Variants in PCDH15 observed in about 807,000 individuals in gnomAD.
PCDH15 encodes protocadherin related 15.
In PCDH15, 129 loss-of-function variants were observed where a neutral mutation model predicts 178.5. The observed-to-expected ratio is 0.72, with a 90% CI of 0.63 to 0.84. The LOEUF is 0.84. Among genes scored for constraint, PCDH15 ranks in the 40% least tolerant of loss-of-function variants. The pLI is 0.00. For missense variants in PCDH15, 2,230 were observed against 2,099.9 expected, an observed-to-expected ratio of 1.06 and a Z score of -1.21; for synonymous variants, 800 against 732.0, an observed-to-expected ratio of 1.09 and a Z score of -1.50.
intron 1 of PCDH15, among the ~76,000 whole-genome samples, chr10:54,665,460 G>A (rs190892055): frequency 1.1e-4 from 16 of 152,096 alleles, no homozygotes; most frequent in Admixed American, 7.9e-4. Context: ...TACTAGACTA[G>A]CTGAGGATAA....
chr10:53,953,264 C>T (rs1055509798), intron 23 of PCDH15, among the ~76,000 whole-genome samples: 2 of 152,240 alleles, frequency 1.3e-5, no homozygotes, highest in Non-Finnish European at 2.9e-5. Flanking sequence ...CTGGATAGAA[C>T]AATTGATCAT....
intron 1 of PCDH15, among the ~76,000 whole-genome samples, chr10:54,706,147 A>C (rs2095362971): frequency 6.6e-6 from 1 of 152,214 alleles, no homozygotes; most frequent in South Asian, 2.1e-4. Context: ...AGTAATGCTG[A>C]TTACAAGGAA....
At chr10:55,278,378 A>C (rs1481011688) in intron 1 of PCDH15, among the ~76,000 whole-genome samples, 1 of 151,296 alleles carries the variant, frequency 6.6e-6, no homozygotes, top group South Asian at 2.1e-4. Context: ...TTTGTCTTTC[A>C]TATCTGTTTA....
At chr10:54,100,150 G>A (rs1414925573) in intron 15 of PCDH15, among the ~76,000 whole-genome samples, 1 of 151,964 alleles carries the variant, frequency 6.6e-6, no homozygotes, top group African/African-American at 2.4e-5. Context: ...GGCAGATCAC[G>A]ATGTCAGGAG....
At chr10:55,454,920 T>C (rs188888557) in intron 2 of PCDH15, among the ~76,000 whole-genome samples, 69 of 152,078 alleles carry the variant, frequency 4.5e-4, no homozygotes, top group Non-Finnish European at 2.4e-4. Context: ...TAATAGAGTA[T>C]ATATAAATAA....
intron 2 of PCDH15, among the ~76,000 whole-genome samples, chr10:55,351,057 C>A (rs1222211225): frequency 7.9e-6 from 1 of 127,010 alleles, no homozygotes; most frequent in Non-Finnish European, 1.7e-5. Flanking sequence ...CCTCCCCTCC[C>A]CCCGCTGCTG....
At chr10:54,647,101 A>G (rs1288382876) in intron 2 of PCDH15, among the ~76,000 whole-genome samples, 1 of 152,122 alleles carries the variant, frequency 6.6e-6, no homozygotes, top group Non-Finnish European at 1.5e-5. Context: ...TTTCATTGAC[A>G]GATGAATACA....
intron 2 of PCDH15, among the ~76,000 whole-genome samples, chr10:54,632,367 C>T (rs2093727187): frequency 6.6e-6 from 1 of 151,876 alleles, no homozygotes; most frequent in African/African-American, 2.4e-5. Flanking sequence ...TCAATCATAC[C>T]CCAAAACTCA....
intron 16 of PCDH15, among the ~76,000 whole-genome samples, chr10:54,084,235 T>C (rs1419316937): frequency 6.6e-6 from 1 of 151,780 alleles, no homozygotes; most frequent in Non-Finnish European, 1.5e-5. Flanking sequence ...ACAGGTTCCC[T>C]GGGAGCTTAT....
chr10:54,863,538 T>C (rs1268372022), intron 3 of PCDH15, among the ~76,000 whole-genome samples: 3 of 152,194 alleles, frequency 2.0e-5, no homozygotes, highest in Non-Finnish European at 2.9e-5. Flanking sequence ...CGAGACTCCG[T>C]CTCAAAATAA....
intron 1 of PCDH15, among the ~76,000 whole-genome samples, chr10:55,193,344 C>T (rs1232437310): frequency 6.6e-6 from 1 of 151,914 alleles, no homozygotes; most frequent in East Asian, 1.9e-4. Context: ...TTCAAGCCAG[C>T]TGTTGTATCA....
intron 1 of PCDH15, among the ~76,000 whole-genome samples, chr10:54,773,760 T>A (rs1949360210): frequency 6.6e-6 from 1 of 152,126 alleles, no homozygotes; most frequent in Non-Finnish European, 1.5e-5. Context: ...TTCTTATTGA[T>A]TTTTTTCTAG....
intron 27 of PCDH15, 24 bp from the exon 28 acceptor site, chr10:53,857,287 C>T (rs1244176542): frequency 1.3e-6 from 2 of 1,571,390 alleles, no homozygotes; most frequent in East Asian, 2.2e-5. Flanking sequence ...AAACAGAATT[C>T]ATTTAATTTT....
chr10:55,040,260 G>A (rs1186967783), intron 2 of PCDH15, among the ~76,000 whole-genome samples: 1 of 151,954 alleles, frequency 6.6e-6, no homozygotes, highest in Non-Finnish European at 1.5e-5. Context: ...TGTAACTGAA[G>A]GACATTTTAC....
intron 2 of PCDH15, among the ~76,000 whole-genome samples, chr10:54,533,403 T>C (rs1160201586): frequency 6.6e-6 from 1 of 152,108 alleles, no homozygotes; most frequent in Non-Finnish European, 1.5e-5. Flanking sequence ...AAGGTGTAGA[T>C]AATTCTGCAA....
At chr10:54,023,410 G>A (rs998976252) in intron 18 of PCDH15, among the ~76,000 whole-genome samples, 9 of 150,826 alleles carry the variant, frequency 6.0e-5, no homozygotes, top group East Asian at 3.9e-4. Flanking sequence ...TAACAAAAAC[G>A]GATAATGTCA....
At chr10:53,978,877 C>T (rs2134570809) in intron 21 of PCDH15, among the ~76,000 whole-genome samples, 1 of 152,242 alleles carries the variant, frequency 6.6e-6, no homozygotes, top group East Asian at 1.9e-4. Flanking sequence ...CCAACAAGTT[C>T]CTCATCTCCA....
chr10:53,838,126 C>T (rs965918595), intron 29 of PCDH15, among the ~76,000 whole-genome samples: 2 of 151,782 alleles, frequency 1.3e-5, no homozygotes, highest in Non-Finnish European at 2.9e-5. Flanking sequence ...CAGGTGCCCG[C>T]CACCATGCCC....
At chr10:54,863,577 C>T (rs1188462387) in intron 3 of PCDH15, among the ~76,000 whole-genome samples, 2 of 152,006 alleles carry the variant, frequency 1.3e-5, no homozygotes, top group African/African-American at 2.4e-5. Context: ...TGTTGTTCTA[C>T]AAAACTTGCA....
Sources: gnomAD v4.1 joint callset for allele counts (sites outside exome capture counted in the v4.1 genomes callset) on GRCh38, gnomAD v4.1.1 for gene constraint, MANE v1.5 for transcripts, NCBI Gene and HGNC (gene_info 2026-07-23, HGNC 2026-07-21) for gene names.